PSME3IP1: variants seen among roughly 807,000 people sequenced by gnomAD.
PSME3IP1 encodes proteasome activator subunit 3 interacting protein 1, also known as PSME3-interacting protein.
A neutral mutation model predicts 34.1 loss-of-function variants in PSME3IP1; 13 were observed. That is an observed-to-expected ratio of 0.38 (90% confidence interval 0.25 to 0.61). The LOEUF is 0.61. Among genes scored for constraint, PSME3IP1 ranks in the 20% least tolerant of loss-of-function variants. The pLI is 0.60. For synonymous variants in PSME3IP1, 93 were observed against 114.3 expected (o/e 0.81, Z 1.19); for missense variants, 237 against 301.4 (o/e 0.79, Z 1.58).
chr16:57,163,916 C>G (rs762142549), intron 6 of PSME3IP1, 85 bp downstream of exon 6: 29 of 1,303,862 alleles, frequency 2.2e-5, no homozygotes, highest in Non-Finnish European at 3.0e-5. Flanking sequence ...GAAATGCATT[C>G]ATTTGCAGAA....
chr16:57,166,990 C>T, intron 5 of PSME3IP1, 103 bp downstream of exon 5: 5 of 1,382,288 alleles, frequency 3.6e-6, no homozygotes, highest in Admixed American at 3.8e-5. Flanking sequence ...GGGAACTTCA[C>T]CAGGACTCAC....
At chr16:57,181,025 C>T (rs1157538877) in intron 1 of PSME3IP1, among the ~76,000 whole-genome samples, 1 of 147,652 alleles carries the variant, frequency 6.8e-6, no homozygotes, top group Non-Finnish European at 1.5e-5. Flanking sequence ...GGCAACAGCA[C>T]AAGACCGACC....
chr16:57,184,182 T>G (rs2073955041), intron 1 of PSME3IP1, among the ~76,000 whole-genome samples: 1 of 151,738 alleles, frequency 6.6e-6, no homozygotes, highest in South Asian at 2.1e-4. Context: ...ATCCAGAATG[T>G]ACTACGAAAG....
intron 6 of PSME3IP1, among the ~76,000 whole-genome samples, chr16:57,156,570 G>A (rs1047023675): frequency 5.3e-5 from 8 of 152,158 alleles, no homozygotes; most frequent in African/African-American, 1.4e-4. Flanking sequence ...GTTAAAACAC[G>A]GAGATGGAGA....
chr16:57,170,335 G>A (rs559931506), intron 4 of PSME3IP1, among the ~76,000 whole-genome samples: 115 of 152,074 alleles, frequency 7.6e-4, no homozygotes, highest in African/African-American at 2.0e-3. Flanking sequence ...CTCCTGCCTC[G>A]GCCTCCCAAA....
At position 57,185,960 on chromosome 16, in the gene PSME3IP1, AAG is replaced by A. The variant is rs1479842927; in HGVS notation, c.-157_-156del. 2.0e-6 allele frequency: 2 copies of A among 985,000 alleles called. No homozygotes were observed. The highest frequency in any genetic ancestry group is 6.1e-5 in the Admixed American group (1 of 16,270). The allele number at this position is 985,000 out of a possible 1,614,324, so 61.0% of individuals were successfully genotyped here. On this transcript the variant is annotated 5_prime_UTR_variant, in exon 1 of 7. Transcript: ENST00000309137. ...AACAGAGGAAGGAATGAATGAAAGA[AAG>A]AAAAAAAAAAAGAAAATAGCCTTTG...
chr16:57,185,394 G>A (rs148055391), intron 1 of PSME3IP1, among the ~76,000 whole-genome samples: 162 of 152,290 alleles, frequency 1.1e-3, no homozygotes, highest in African/African-American at 3.8e-3. Flanking sequence ...CTGGTACATG[G>A]CACACAATAA....
At chr16:57,172,058 T>C (rs2072645560) in intron 4 of PSME3IP1, among the ~76,000 whole-genome samples, 193 bp downstream of exon 4, 1 of 152,182 alleles carries the variant, frequency 6.6e-6, no homozygotes, top group African/African-American at 2.4e-5. Flanking sequence ...CTTTTGACTA[T>C]AACACTCTTG....
chr16:57,168,351 C>A (rs2072147491), intron 4 of PSME3IP1, among the ~76,000 whole-genome samples: 1 of 152,116 alleles, frequency 6.6e-6, no homozygotes, highest in South Asian at 2.1e-4. Flanking sequence ...ACTCTCCAGG[C>A]AACTAACTCT....
At chr16:57,173,274 C>T (rs2072809980) in intron 2 of PSME3IP1, among the ~76,000 whole-genome samples, 1 of 152,146 alleles carries the variant, frequency 6.6e-6, no homozygotes, top group Non-Finnish European at 1.5e-5. Context: ...GGCTCTGCTC[C>T]CAGCTGTGCA....
chr16:57,154,360 C>G lies in PSME3IP1; in HGVS notation c.695G>C (p.Gly232Ala), dbSNP rs370700301. Reference sequence around the variant, plus strand: ...AATCTTTCCGGTGGCATTGATGGTGCCTTCGCTGTCTGAGCTGGACTCGGA... The same window carrying G: ...AATCTTTCCGGTGGCATTGATGGTGGCTTCGCTGTCTGAGCTGGACTCGGA... ...SDSESSSDSEGTINATGKIVS... is the reference protein window; with the variant it reads ...SDSESSSDSEATINATGKIVS... The change falls in exon 7 of 7, where the codon GGC becomes GCC. Residue 232 changes from glycine (G) to alanine (A), a missense_variant. Coordinates refer to ENST00000309137, the MANE Select transcript of PSME3IP1 (RefSeq NM_024946.4). The surrounding 1 kb of genome is among the most constrained non-coding windows in gnomAD (Gnocchi z 4.0). The G allele has an allele frequency of 2.5e-6, 4 of 1,613,884 alleles. No individual in the cohort carries two copies. The highest frequency in any genetic ancestry group is 1.6e-4 in the Middle Eastern group (1 of 6,084).
At chr16:57,183,663 A>G (rs1158946818) in intron 1 of PSME3IP1, among the ~76,000 whole-genome samples, 1 of 152,234 alleles carries the variant, frequency 6.6e-6, no homozygotes, top group Non-Finnish European at 1.5e-5. Context: ...AGAAAAGCTA[A>G]CAAGATAGTA....
At chr16:57,172,939 A>T in intron 2 of PSME3IP1, 65 bp from the exon 3 acceptor site, 1 of 1,077,660 alleles carries the variant, frequency 9.3e-7, no homozygotes, top group East Asian at 2.4e-5. Context: ...GATTGTTTTC[A>T]TATTATTTTG....
chr16:57,172,386 T>TA lies in PSME3IP1; in HGVS notation c.227-15dup, dbSNP rs778673049. ...TTACCATGTTTTCTGAGGAAATAAT[T>TA]AAACAAGGCACACTTAGCAGGCTAA... On this transcript the variant is annotated splice_polypyrimidine_tract_variant and intron_variant, in intron 3 of 6. Transcript: ENST00000309137. 2.5e-6 allele frequency: 4 copies of TA among 1,612,776 alleles called. No individual in the cohort carries two copies. The African/African-American group carries it at 5.3e-5, about 22-fold the overall frequency.
chr16:57,162,911 T>C (rs2071431795), intron 6 of PSME3IP1, among the ~76,000 whole-genome samples: 1 of 152,086 alleles, frequency 6.6e-6, no homozygotes, highest in African/African-American at 2.4e-5. Flanking sequence ...ACTCCTGTAA[T>C]CCCAGCACTT....
chr16:57,173,941 AAGG>A lies in PSME3IP1; in HGVS notation c.-15-75_-15-73del. The A allele has an allele frequency of 4.1e-6, 6 of 1,463,024 alleles. No individual in the cohort carries two copies. The South Asian group carries it at 4.9e-5, about 12-fold the overall frequency. The allele number at this position is 1,463,024 out of a possible 1,614,324, so 90.6% of individuals were successfully genotyped here. ...TGCAATTAAAATTCTAAAGAGAAAC[AAGG>A]AGATTTAGCTCCATCTCACCCAGCA... On this transcript the variant is annotated intron_variant, in intron 1 of 6. Coordinates refer to ENST00000309137, the MANE Select transcript of PSME3IP1 (RefSeq NM_024946.4).
chr16:57,182,943 C>T (rs2073865362), intron 1 of PSME3IP1, among the ~76,000 whole-genome samples: 3 of 152,040 alleles, frequency 2.0e-5, no homozygotes, highest in Non-Finnish European at 4.4e-5. Flanking sequence ...AAATATTTAC[C>T]GAGAACCTAT....
chr16:57,157,476 G>A lies in PSME3IP1; in HGVS notation c.548-2969C>T, dbSNP rs571320092. ...GCAAAGTGGCCATGCCCATGTAGATGCATGTCAGTGTCTGAGAACAATAAA... is the reference window on the plus strand; with the variant it reads ...GCAAAGTGGCCATGCCCATGTAGATACATGTCAGTGTCTGAGAACAATAAA... On this transcript the variant is annotated intron_variant, in intron 6 of 6. Coordinates refer to ENST00000309137, the MANE Select transcript of PSME3IP1 (RefSeq NM_024946.4). 1.9e-4 allele frequency among the ~76,000 whole-genome samples: 29 copies of A among 152,290 alleles called. No homozygotes were observed. In the South Asian group the frequency reaches 5.8e-3, roughly 30 times the overall value.
At chr16:57,171,603 G>A (rs541024582) in intron 4 of PSME3IP1, among the ~76,000 whole-genome samples, 35 of 152,320 alleles carry the variant, frequency 2.3e-4, no homozygotes, top group Non-Finnish European at 1.8e-4. Flanking sequence ...TTTGGAGTAC[G>A]TTTTGGAAAC....
Sources: allele counts gnomAD v4.1 joint callset (sites outside exome capture counted in the v4.1 genomes callset), GRCh38; gene constraint gnomAD v4.1.1; non-coding constraint Gnocchi (gnomAD v3.1); transcripts MANE v1.5; gene names NCBI Gene and HGNC (gene_info 2026-07-23, HGNC 2026-07-21).